ATM: variants seen among roughly 807,000 people sequenced by gnomAD.
ATM encodes serine-protein kinase ATM.
In ATM, 308 loss-of-function variants were observed where a neutral mutation model predicts 387.0. That is an observed-to-expected ratio of 0.80 (90% CI 0.73 to 0.87). The LOEUF (loss-of-function observed/expected upper bound fraction) is 0.87. Ranked by LOEUF, ATM falls within the 40% of genes least tolerant of loss-of-function variation. ATM has a pLI of 0.00. For synonymous variants in ATM, 1,156 were observed against 1,187.3 expected, an observed-to-expected ratio of 0.97 and a Z score of 0.54; for missense variants, 3,312 against 3,560.9, an observed-to-expected ratio of 0.93 and a Z score of 1.78.
In ATM at chr11:108,345,912, ATCT is replaced by A. The variant is rs1064794534; in HGVS notation, c.8584+9_8584+11del. On this transcript the variant is annotated splice_donor_5th_base_variant and intron_variant, in intron 58 of 62. Coordinates refer to ENST00000675843, the MANE Select transcript of ATM (RefSeq NM_000051.4). ...AGTGTAGCTACTTCTTCTATTGGTA[ATCT>A]TCTTGTACATATAGTAGATTGAGCA... 4 of 1,613,474 alleles carry A rather than the reference ATCT, an allele frequency of 2.5e-6. No individual in the cohort carries two copies. Among genetic ancestry groups the A allele is most frequent in the Admixed American group, 1.7e-5 (1 of 59,988 alleles).
intron 16 of ATM, among the ~76,000 whole-genome samples, chr11:108,261,300 C>T (rs893136622): frequency 1.3e-5 from 2 of 152,200 alleles, no homozygotes; most frequent in Non-Finnish European, 2.9e-5. Flanking sequence ...AACGGGCAGA[C>T]TGCCTCCTCA....
intron 25 of ATM, 94 bp from the exon 26 acceptor site, chr11:108,284,133 C>G (rs947112176): frequency 2.9e-5 from 27 of 930,308 alleles, no homozygotes; most frequent in Non-Finnish European, 4.1e-5. Flanking sequence ...TACTTTAATG[C>G]TGATGGTATT....
chr11:108,307,339 A>G (rs952183858), intron 37 of ATM, among the ~76,000 whole-genome samples: 13 of 151,910 alleles, frequency 8.6e-5, no homozygotes, highest in Non-Finnish European at 1.9e-4. Flanking sequence ...TAATAGAGAT[A>G]GGGTTTCACC....
rs748853277 is a variant in ATM, at chr11:108,332,913, T to A, written c.7927+13T>A. The A allele has an allele frequency of 7.5e-6, 12 of 1,609,596 alleles. No individual in the cohort carries two copies. Among genetic ancestry groups the A allele is most frequent in the African/African-American group, 1.3e-5 (1 of 74,978 alleles). On this transcript the variant is annotated intron_variant, in intron 53 of 62. Transcript: ENST00000675843. ...AAGACTCAGAGAAGTATGTTTTTTT[T>A]AAAGAAGAAACGTTACTTTCTTGCT...
Position 108,267,253 on chromosome 11 carries a change from AG to A in ATM, c.2551del (p.Asp851IlefsTer5). Reference sequence around the variant, plus strand: ...ACTAATGGAAATCTAATGGAGGTGGAGGATCAGTCATCCATGAATCTATTTA... The same window carrying A: ...ACTAATGGAAATCTAATGGAGGTGGAGATCAGTCATCCATGAATCTATTTA... ...DDTNGNLMEV[E>X]DQSSMNLFND... On this transcript the variant is annotated frameshift_variant, in exon 17 of 63. Transcript: ENST00000675843. LOFTEE classifies it high-confidence loss of function. 1 of 1,614,068 alleles carries A rather than the reference AG, an allele frequency of 6.2e-7. No homozygotes were observed. The highest frequency in any genetic ancestry group is 8.5e-7 in the Non-Finnish European group (1 of 1,179,924).
In ATM at chr11:108,292,152, A is replaced by G. The variant is rs182994851; in HGVS notation, c.4437-467A>G. 6.2e-4 allele frequency among the ~76,000 whole-genome samples: 94 copies of G among 152,328 alleles called. No individual in the cohort carries two copies. In the Middle Eastern group the frequency reaches 0.01, roughly 17 times the overall value. On this transcript the variant is annotated intron_variant, in intron 29 of 62. Transcript: ENST00000675843. ...AGACAGGTTAGAATAGACATATACA[A>G]TAGTTTGCAACTAATCTACTTAGCT...
intron 50 of ATM, 123 bp from the exon 51 acceptor site, chr11:108,331,321 G>A (rs2086209164): frequency 2.0e-6 from 3 of 1,465,216 alleles, no homozygotes; most frequent in Non-Finnish European, 2.7e-6. Flanking sequence ...AATATAGTTA[G>A]TGAAGTTTTG....
intron 32 of ATM, chr11:108,296,070 AAT>A (rs1279960431): frequency 1.3e-5 from 2 of 152,196 alleles, no homozygotes; most frequent in Admixed American, 6.5e-5. Context: ...GAATGAAAGA[AAT>A]ATGTCTCATT....
rs1014335669 is a variant in ATM at position 108,225,470 on chromosome 11, G to GT, written c.-30-2117dup. ...ATAAAATGGGTAGTCAGCTCTTTTT[G>GT]TTTTTTTTGTCTTGTTTTGTTTTGA... On this transcript the variant is annotated intron_variant, in intron 1 of 62. Coordinates refer to ENST00000675843, the MANE Select transcript of ATM (RefSeq NM_000051.4). 8 of 151,822 alleles carry GT rather than the reference G, an allele frequency of 5.3e-5. No individual in the cohort carries two copies. In the East Asian group the frequency reaches 7.7e-4, roughly 15 times the overall value. 9.4% of individuals were successfully genotyped at this position (151,822 alleles called of 1,614,324 possible). A position where few individuals can be genotyped will look rare whatever the true frequency, so the allele number is the denominator to read the frequency against.
intron 5 of ATM, among the ~76,000 whole-genome samples, chr11:108,240,376 G>A (rs1379494297): frequency 6.6e-6 from 1 of 152,080 alleles, no homozygotes; most frequent in Non-Finnish European, 1.5e-5. Context: ...CCATGGTTTA[G>A]CCTTTTCCAG....
At chr11:108,253,045 C>A (rs1039613515) in intron 12 of ATM, 133 bp downstream of exon 12, 2 of 728,506 alleles carry the variant, frequency 2.7e-6, no homozygotes, top group African/African-American at 3.5e-5. Flanking sequence ...CAACTGTTAG[C>A]CAGGGAAGAG....
chr11:108,251,525 G>A (rs1382477418), intron 10 of ATM, among the ~76,000 whole-genome samples: 5 of 152,250 alleles, frequency 3.3e-5, no homozygotes, highest in African/African-American at 9.6e-5. Flanking sequence ...CGGACACCAG[G>A]TCTTATTCCT....
chr11:108,275,590 A>T (rs1045524170), intron 22 of ATM, among the ~76,000 whole-genome samples: 1 of 152,116 alleles, frequency 6.6e-6, no homozygotes, highest in Non-Finnish European at 1.5e-5. Context: ...TTGCTTGTCT[A>T]TAAAGGATTT....
chr11:108,317,422 G>A lies in ATM; in HGVS notation c.6248G>A (p.Gly2083Glu), dbSNP rs1060501559. Residue 2083 changes from glycine to glutamate, a missense_variant, in exon 43 of 63, where the codon GGA becomes GAA. This residue lies in a region of ATM where 1,405 missense variants were observed against 1,604.4 expected (regional missense o/e 0.88). Coordinates refer to ENST00000675843, the MANE Select transcript of ATM (RefSeq NM_000051.4). The stretch of plus-strand genomic sequence containing the variant: ...CATATTCTTTCCGTCTATTTAAAAG[G>A]ATTGGATTATGAAAATAAAGACTGG... ...LCHILSVYLK[G>E]LDYENKDWCP... 1 of 1,612,182 alleles carries A rather than the reference G, an allele frequency of 6.2e-7. No individual in the cohort carries two copies. The highest frequency in any genetic ancestry group is 2.2e-5 in the East Asian group (1 of 44,720).
chr11:108,289,279 A>G (rs1279199773), intron 28 of ATM, among the ~76,000 whole-genome samples, 176 bp downstream of exon 28: 4 of 152,206 alleles, frequency 2.6e-5, no homozygotes, highest in African/African-American at 9.6e-5. Flanking sequence ...ATTAATTGAA[A>G]TATGTTACAT....
chr11:108,260,120 C>T (rs1386766885), intron 16 of ATM, among the ~76,000 whole-genome samples: 2 of 150,972 alleles, frequency 1.3e-5, no homozygotes, highest in Non-Finnish European at 2.9e-5. Context: ...CTGCAGCCCC[C>T]ACCTCCTAGG....
In ATM at chr11:108,279,588, C is replaced by G. The variant is rs876659825; in HGVS notation, c.3382C>G (p.Gln1128Glu). 7 of 1,611,562 alleles carry G rather than the reference C, an allele frequency of 4.3e-6. No individual in the cohort carries two copies. The highest frequency in any genetic ancestry group is 2.2e-5 in the South Asian group (2 of 91,002). Reference sequence around the variant, plus strand: ...TTTTGAAAATGCATACTTGAAAGCTCAGGAAGGAATGAGAGAAATGGTAAT... The same window carrying G: ...TTTTGAAAATGCATACTTGAAAGCTGAGGAAGGAATGAGAGAAATGGTAAT... ...TAFENAYLKA[Q>E]EGMREMSHSA... is the part of the protein sequence containing the mutation. The change falls in exon 23 of 63, where the codon CAG (glutamine) becomes GAG (glutamate). Residue 1128 changes from glutamine to glutamate, a missense_variant. Gln to Glu is a conservative substitution (Grantham distance 29). Coordinates refer to ENST00000675843, the MANE Select transcript of ATM (RefSeq NM_000051.4).
chr11:108,353,474 A>G (rs921973649), intron 59 of ATM, among the ~76,000 whole-genome samples: 1 of 152,092 alleles, frequency 6.6e-6, no homozygotes, highest in Non-Finnish European at 1.5e-5. Flanking sequence ...TAAATATATC[A>G]TCTCCATTTT....
intron 23 of ATM, among the ~76,000 whole-genome samples, chr11:108,280,215 TAA>T (rs2082160384): frequency 6.6e-6 from 1 of 152,152 alleles, no homozygotes. Context: ...ATTAGAAAGA[TAA>T]GTGTAAATAA....
Sources: allele counts gnomAD v4.1 joint callset (sites outside exome capture counted in the v4.1 genomes callset), GRCh38; gene constraint gnomAD v4.1.1; regional missense constraint gnomAD v4.1.1; transcripts MANE v1.5; gene names NCBI Gene and HGNC (gene_info 2026-07-23, HGNC 2026-07-21).